Variants in CLEC16A observed in about 807,000 individuals in gnomAD.
CLEC16A encodes the protein protein CLEC16A.
A neutral mutation model predicts 109.5 loss-of-function variants in CLEC16A; 51 were observed. The observed-to-expected ratio is 0.47, with a 90% CI of 0.37 to 0.59. The LOEUF (loss-of-function observed/expected upper bound fraction) is 0.59. Among genes scored for constraint, CLEC16A ranks in the 20% least tolerant of loss-of-function variants. CLEC16A has a pLI of 0.00. For missense variants in CLEC16A, 1,339 were observed against 1,394.0 expected, an observed-to-expected ratio of 0.96 and a Z score of 0.63; for synonymous variants, 673 against 564.2, an observed-to-expected ratio of 1.19 and a Z score of -2.73.
At chr16:10,999,806 C>T (rs1017424199) in intron 10 of CLEC16A, among the ~76,000 whole-genome samples, 4 of 152,030 alleles carry the variant, frequency 2.6e-5, no homozygotes, top group African/African-American at 9.7e-5. Context: ...GGATGTTCAC[C>T]GTTTCGGCAC....
intron 19 of CLEC16A, among the ~76,000 whole-genome samples, chr16:11,101,497 A>G (rs572737000): frequency 6.6e-6 from 1 of 152,238 alleles, no homozygotes; most frequent in Admixed American, 6.5e-5. Context: ...TGTCTTGTTC[A>G]TTCTGTTTTC....
chr16:11,162,626 T>A (rs780447790), intron 22 of CLEC16A, among the ~76,000 whole-genome samples: 1 of 152,164 alleles, frequency 6.6e-6, no homozygotes, highest in Non-Finnish European at 1.5e-5. Flanking sequence ...CGGAAACATA[T>A]GGGACATGCT....
intron 12 of CLEC16A, among the ~76,000 whole-genome samples, chr16:11,020,575 C>A (rs919016334): frequency 3.9e-5 from 6 of 152,232 alleles, no homozygotes; most frequent in African/African-American, 1.4e-4. Context: ...TGCCCTGCTC[C>A]TGGCACTTTG....
At chr16:11,020,470 TG>T in intron 12 of CLEC16A, 145 bp downstream of exon 12, 2 of 1,062,392 alleles carry the variant, frequency 1.9e-6, no homozygotes, top group Non-Finnish European at 2.6e-6. Flanking sequence ...TCTCCAGCTC[TG>T]GCCACCCAGA....
intron 10 of CLEC16A, among the ~76,000 whole-genome samples, chr16:11,002,818 G>A (rs540776198): frequency 6.6e-6 from 1 of 152,012 alleles, no homozygotes; most frequent in African/African-American, 2.4e-5. Context: ...TTCTTTTTTA[G>A]TGCTGAATAC....
chr16:11,108,704 G>A (rs2051371035), intron 19 of CLEC16A, among the ~76,000 whole-genome samples: 1 of 152,218 alleles, frequency 6.6e-6, no homozygotes, highest in Admixed American at 6.5e-5. Flanking sequence ...TTGTCCTGCT[G>A]CAGTTTGTGG....
intron 22 of CLEC16A, among the ~76,000 whole-genome samples, chr16:11,131,844 A>G (rs2053227712): frequency 6.6e-6 from 1 of 152,032 alleles, no homozygotes; most frequent in South Asian, 2.1e-4. Context: ...CTCTCTGCAG[A>G]TGACACAATC....
At chr16:11,121,858 C>T (rs1478865874) in intron 20 of CLEC16A, among the ~76,000 whole-genome samples, 5 of 112,348 alleles carry the variant, frequency 4.5e-5, no homozygotes, top group East Asian at 2.9e-4. Flanking sequence ...CCAGCCTGGG[C>T]GGCAGAGTGA....
At chr16:10,968,108 G>A (rs1406739741) in intron 3 of CLEC16A, among the ~76,000 whole-genome samples, 1 of 152,246 alleles carries the variant, frequency 6.6e-6, no homozygotes, top group African/African-American at 2.4e-5. Context: ...GTGAGCTGGT[G>A]CAGCACTCAC....
rs1336001475 is a variant in CLEC16A, at chr16:11,174,115, A to G, written c.2807-4220A>G. 1 of 459,928 alleles carries G rather than the reference A, an allele frequency of 2.2e-6. No individual in the cohort carries two copies. The highest frequency in any genetic ancestry group is 4.6e-6 in the Non-Finnish European group (1 of 219,466). The allele number at this position is 459,928 out of a possible 1,614,324, so 28.5% of individuals were successfully genotyped here. A position where few individuals can be genotyped will look rare whatever the true frequency, so the allele number is the denominator to read the frequency against. ...ATGTCGCCTCTGCCGTCCCATTGTT[A>G]AAGGCTTTCTATGATCTGTCGCTGT... On this transcript the variant is annotated intron_variant, in intron 23 of 23. Transcript: ENST00000409790. The surrounding 1 kb of genome is among the most constrained non-coding windows in gnomAD (Gnocchi z 4.7).
rs573092333 is a variant in CLEC16A at position 11,127,094 on chromosome 16, G to C, written c.2641+948G>C. Among the ~76,000 whole-genome samples, 33 of 152,298 alleles carry C rather than the reference G, an allele frequency of 2.2e-4. No homozygotes were observed. The South Asian group carries it at 5.0e-3, about 23-fold the overall frequency. ...CAGGAGATGATCAAATGAAAAATAA[G>C]TCTACTTTGCTTCAGAAGTAACTAT... On this transcript the variant is annotated intron_variant, in intron 22 of 23. Transcript: ENST00000409790.
chr16:10,952,745 C>G (rs2041798574), intron 1 of CLEC16A, among the ~76,000 whole-genome samples: 1 of 152,160 alleles, frequency 6.6e-6, no homozygotes, highest in African/African-American at 2.4e-5. Flanking sequence ...CCTCATTGAG[C>G]TTTGGAGCTT....
intron 19 of CLEC16A, among the ~76,000 whole-genome samples, chr16:11,066,243 C>T (rs766711983): frequency 5.9e-5 from 9 of 152,052 alleles, no homozygotes; most frequent in Non-Finnish European, 1.0e-4. Flanking sequence ...GCAGAGAGGC[C>T]ATTTAGGAGG....
chr16:10,973,222 A>C lies in CLEC16A; in HGVS notation c.728+161A>C, dbSNP rs145459362. On this transcript the variant is annotated intron_variant, in intron 7 of 23. Transcript: ENST00000409790. ...TAAAAGGTCCTGCTCACCTATTTGT[A>C]ATAATGAAATGCTGGAAACAACTCA... Among the ~76,000 whole-genome samples the C allele has an allele frequency of 3.1e-4, 47 of 152,314 alleles. 1 individual carries two copies. The East Asian group carries it at 8.5e-3, about 27-fold the overall frequency.
At chr16:11,128,858 A>C (rs1045088169) in intron 22 of CLEC16A, among the ~76,000 whole-genome samples, 166 of 152,302 alleles carry the variant, frequency 1.1e-3, no homozygotes, top group African/African-American at 4.0e-3. Context: ...AGATCTCCCA[A>C]GATTGCAACA....
intron 22 of CLEC16A, among the ~76,000 whole-genome samples, chr16:11,138,579 G>A (rs370643491): frequency 2.0e-4 from 31 of 152,322 alleles, no homozygotes; most frequent in East Asian, 5.8e-4. Flanking sequence ...ACAGCTGTGC[G>A]TCAGGTGATG....
chr16:10,980,734 A>G (rs1382155324), intron 9 of CLEC16A, among the ~76,000 whole-genome samples: 1 of 152,110 alleles, frequency 6.6e-6, no homozygotes. Context: ...TGAGTAATAC[A>G]TCCCTTTTAA....
chr16:11,138,274 G>A (rs2053662866), intron 22 of CLEC16A, among the ~76,000 whole-genome samples: 1 of 152,242 alleles, frequency 6.6e-6, no homozygotes, highest in Non-Finnish European at 1.5e-5. Context: ...TTGCCAGCTA[G>A]TGGGCTCTGT....
At chr16:11,055,436 T>C (rs554223142) in intron 18 of CLEC16A, among the ~76,000 whole-genome samples, 12 of 152,006 alleles carry the variant, frequency 7.9e-5, no homozygotes, top group Non-Finnish European at 1.6e-4. Flanking sequence ...ATCCAGTCCC[T>C]GAGATGCCAC....
Sources: allele counts gnomAD v4.1 joint callset (sites outside exome capture counted in the v4.1 genomes callset), GRCh38; gene constraint gnomAD v4.1.1; non-coding constraint Gnocchi (gnomAD v3.1); transcripts MANE v1.5; gene names NCBI Gene and HGNC (gene_info 2026-07-23, HGNC 2026-07-21).